Variants in DIRAS3 observed in about 807,000 individuals in gnomAD.
DIRAS3 encodes the protein GTP-binding protein Di-Ras3.
For missense variants in DIRAS3, 248 were observed against 300.6 expected (o/e 0.83, Z 1.29); for synonymous variants, 133 against 131.4 (o/e 1.01, Z -0.08).
chr1:68,047,292 A>G lies in DIRAS3; in HGVS notation c.6T>C (p.Gly2=). 1 of 1,612,212 alleles carries G rather than the reference A, an allele frequency of 6.2e-7. No homozygotes were observed. The highest frequency in any genetic ancestry group is 8.5e-7 in the Non-Finnish European group (1 of 1,178,928). The change falls in exon 2 of 2, where the codon GGT becomes GGC. Residue 2 remains glycine, a synonymous_variant. Transcript: ENST00000646789. The part of the protein sequence containing the change: M[G]NASFGSKEQK... The stretch of plus-strand genomic sequence containing the variant: ...GTTCCTTGGAGCCAAAGCTGGCGTT[A>G]CCCATCGTTGGGATTCGGAGGGGAG...
chr1:68,049,963 C>T (rs561050549), intron 1 of DIRAS3, among the ~76,000 whole-genome samples: 11 of 150,058 alleles, frequency 7.3e-5, no homozygotes, highest in Non-Finnish European at 1.2e-4. Flanking sequence ...GCAGTGGACC[C>T]CCCCCCCCAC....
rs1456820082 is a variant in DIRAS3, at chr1:68,046,451, GAA to G, written c.*155_*156del. Reference sequence around the variant, plus strand: ...TTTGAATTCTCTGGCCTGGGAAAAAGAAAAGTTATCCACTTACAAGGTATACG... The same window carrying G: ...TTTGAATTCTCTGGCCTGGGAAAAAGAAGTTATCCACTTACAAGGTATACG... On this transcript the variant is annotated 3_prime_UTR_variant, in exon 2 of 2. Coordinates refer to ENST00000646789, the MANE Select transcript of DIRAS3 (RefSeq NM_004675.5). 1 of 668,418 alleles carries G rather than the reference GAA, an allele frequency of 1.5e-6. No individual in the cohort carries two copies. The highest frequency in any genetic ancestry group is 1.8e-5 in the African/African-American group (1 of 55,182). The allele number at this position is 668,418 out of a possible 1,614,324, so 41.4% of individuals were successfully genotyped here. A position where few individuals can be genotyped will look rare whatever the true frequency, so the allele number is the denominator to read the frequency against.
rs540735526 is a variant in DIRAS3 at position 68,046,381 on chromosome 1, C to A, written c.*227G>T. ...ACTAAAGGCCTTACTTTAAATACATCATGCTACATTTTGTTCTCCTCTTCA... is the reference window on the plus strand; with the variant it reads ...ACTAAAGGCCTTACTTTAAATACATAATGCTACATTTTGTTCTCCTCTTCA... On this transcript the variant is annotated 3_prime_UTR_variant, in exon 2 of 2. Coordinates refer to ENST00000646789, the MANE Select transcript of DIRAS3 (RefSeq NM_004675.5). 6 of 476,160 alleles carry A rather than the reference C, an allele frequency of 1.3e-5. No homozygotes were observed. 29.5% of individuals were successfully genotyped at this position (476,160 alleles called of 1,614,324 possible).
At chr1:68,048,032 A>T (rs1277545436) in intron 1 of DIRAS3, among the ~76,000 whole-genome samples, 33 of 52,474 alleles carry the variant, frequency 6.3e-4, no homozygotes, top group African/African-American at 3.0e-3. Context: ...AAAAAAAAAA[A>T]AAAAAAAAAA....
chr1:68,047,321 C>A lies in DIRAS3; in HGVS notation c.-24G>T. On this transcript the variant is annotated 5_prime_UTR_variant, in exon 2 of 2. Transcript: ENST00000646789. Reference sequence around the variant, plus strand: ...ATCGTTGGGATTCGGAGGGGAGATACGTGCACAAGTTCTCCCACACTTAGC... The same window carrying A: ...ATCGTTGGGATTCGGAGGGGAGATAAGTGCACAAGTTCTCCCACACTTAGC... The A allele has an allele frequency of 6.3e-7, 1 of 1,599,008 alleles. No individual in the cohort carries two copies. The highest frequency in any genetic ancestry group is 8.5e-7 in the Non-Finnish European group (1 of 1,170,436).
intron 1 of DIRAS3, among the ~76,000 whole-genome samples, chr1:68,048,546 G>A (rs1420106338): frequency 6.6e-6 from 1 of 152,160 alleles, no homozygotes; most frequent in African/African-American, 2.4e-5. Flanking sequence ...CTATGATTGT[G>A]TCATGTACAA....
In DIRAS3 at chr1:68,046,036, A is replaced by T. The variant is rs995008901; in HGVS notation, c.*572T>A. 3.3e-5 allele frequency: 5 copies of T among 152,638 alleles called. No individual in the cohort carries two copies. The highest frequency in any genetic ancestry group is 2.1e-4 in the South Asian group (1 of 4,848). 9.5% of individuals were successfully genotyped at this position (152,638 alleles called of 1,614,324 possible). ...AAACTGCTATGCAGAATACTCAAAC[A>T]TTTTTAAATGACATGAGAAACTACT... On this transcript the variant is annotated 3_prime_UTR_variant, in exon 2 of 2. Coordinates refer to ENST00000646789, the MANE Select transcript of DIRAS3 (RefSeq NM_004675.5).
chr1:68,047,595 A>C (rs1398003906), intron 1 of DIRAS3, among the ~76,000 whole-genome samples: 1 of 152,126 alleles, frequency 6.6e-6, no homozygotes, highest in Non-Finnish European at 1.5e-5. Context: ...TACCATCTAG[A>C]AAGTGCAGCA....
intron 1 of DIRAS3, among the ~76,000 whole-genome samples, chr1:68,048,849 C>G (rs1029229388): frequency 4.0e-5 from 6 of 150,862 alleles, no homozygotes; most frequent in African/African-American, 1.5e-4. Context: ...AATCAATCCT[C>G]TCACCTCAGC....
At chr1:68,048,051 T>A (rs868238479) in intron 1 of DIRAS3, among the ~76,000 whole-genome samples, 240 of 39,614 alleles carry the variant, frequency 6.1e-3, no homozygotes, top group East Asian at 0.02. Context: ...AAAAAAAAAA[T>A]ATATATATAT....
rs531401431 is a variant in DIRAS3 at position 68,048,749 on chromosome 1, T to G, written c.-65-1387A>C. On this transcript the variant is annotated intron_variant, in intron 1 of 1. Transcript: ENST00000646789. ...GGTGGTGGTTTTTTTTTTTTTGTTT[T>G]TTTTTTTTGAGTCAGGGTCTTGCTC... 1.2e-3 allele frequency among the ~76,000 whole-genome samples: 167 copies of G among 143,432 alleles called. 3 individuals carry two copies. The highest frequency in any genetic ancestry group is 8.1e-3 in the South Asian group (38 of 4,700). 94.1% of individuals were successfully genotyped at this position (143,432 alleles called of 152,430 possible). A position where few individuals can be genotyped will look rare whatever the true frequency, so the allele number is the denominator to read the frequency against.
intron 1 of DIRAS3, among the ~76,000 whole-genome samples, chr1:68,048,901 A>C (rs759758263): frequency 2.4e-4 from 37 of 151,848 alleles, no homozygotes; most frequent in Admixed American, 7.2e-4. Context: ...CACCATGCCC[A>C]GCTAATTTTC....
At position 68,046,660 on chromosome 1, in the gene DIRAS3, G is replaced by A. The variant is rs763915808; in HGVS notation, c.638C>T (p.Ser213Phe). 5 of 1,614,148 alleles carry A rather than the reference G, an allele frequency of 3.1e-6. No homozygotes were observed. In the Admixed American group the frequency reaches 8.3e-5, roughly 27 times the overall value. Residue 213 changes from serine (S) to phenylalanine (F), a missense_variant, in exon 2 of 2, where the codon TCC becomes TTC. Transcript: ENST00000646789. ...CTTCTCAGTGGTGTTGGGCATCTGG[G>A]ATTTCTTCTCGGGCTCCTGGAGGCC... is the stretch of plus-strand genomic sequence containing the variant. ...TTGLQEPEKKSQMPNTTEKLL... is the reference protein window; with the variant it reads ...TTGLQEPEKKFQMPNTTEKLL...
intron 1 of DIRAS3, among the ~76,000 whole-genome samples, chr1:68,048,040 AAAAAAAAAAATATATATATATAT>A (rs1645692864): frequency 1.4e-5 from 1 of 73,140 alleles, no homozygotes; most frequent in African/African-American, 6.0e-5. Flanking sequence ...AAAAAAAAAA[AAAAAAAAAAATATATATATATAT>A]ATATATATAT....
chr1:68,047,622 TCTTTC>T (rs1645686589), intron 1 of DIRAS3, among the ~76,000 whole-genome samples: 1 of 152,106 alleles, frequency 6.6e-6, no homozygotes, highest in Non-Finnish European at 1.5e-5. Context: ...CCTTTTGTTT[TCTTTC>T]CTTAAACTGT....
intron 1 of DIRAS3, among the ~76,000 whole-genome samples, chr1:68,048,055 T>A (rs867770310): frequency 8.5e-4 from 65 of 76,600 alleles, no homozygotes; most frequent in African/African-American, 2.9e-3. Flanking sequence ...AAAAAATATA[T>A]ATATATATAT....
At chr1:68,049,970 C>A (rs138551364) in intron 1 of DIRAS3, among the ~76,000 whole-genome samples, 1,967 of 148,848 alleles carry the variant, frequency 0.013, 44 homozygotes, top group Non-Finnish European at 0.018. Flanking sequence ...ACCCCCCCCC[C>A]CACTCCCCTC....
chr1:68,048,255 C>G (rs1645699110), intron 1 of DIRAS3, among the ~76,000 whole-genome samples: 1 of 151,328 alleles, frequency 6.6e-6, no homozygotes, highest in Admixed American at 6.6e-5. Flanking sequence ...AGTCAATGAA[C>G]TTTTTGAGTT....
Position 68,047,055 on chromosome 1 carries a change from G to A in DIRAS3, c.243C>T (p.Ser81=). ...ENTYCQLLGC[S]HGVLSLHITD... ...TGATGTGCAGGGAAAGCACACCGTG[G>A]CTGCAGCCCAGCAACTGGCAGTAGG... The change falls in exon 2 of 2, where the codon AGC becomes AGT. Residue 81 remains serine, a synonymous_variant. Coordinates refer to ENST00000646789, the MANE Select transcript of DIRAS3 (RefSeq NM_004675.5). The A allele has an allele frequency of 6.2e-7, 1 of 1,614,196 alleles. No individual in the cohort carries two copies. Among genetic ancestry groups the A allele is most frequent in the South Asian group, 1.1e-5 (1 of 91,082 alleles).
Sources: gnomAD v4.1 joint callset for allele counts (sites outside exome capture counted in the v4.1 genomes callset) on GRCh38, gnomAD v4.1.1 for gene constraint, MANE v1.5 for transcripts, NCBI Gene and HGNC (gene_info 2026-07-23, HGNC 2026-07-21) for gene names.